The following SEL1L3 variants were observed in gnomAD, a reference collection of about 807,000 sequenced individuals.
SEL1L3 encodes protein sel-1 homolog 3.
A neutral mutation model predicts 142.8 loss-of-function variants in SEL1L3; 76 were observed. The observed-to-expected ratio is 0.53, with a 90% CI of 0.44 to 0.64. The LOEUF (loss-of-function observed/expected upper bound fraction) is 0.64, where lower values mean the gene tolerates loss of function less well. SEL1L3 is among the 30% of genes least tolerant of loss of function. SEL1L3 has a pLI of 0.00. For missense variants in SEL1L3, 1,262 were observed against 1,381.7 expected (o/e 0.91, Z 1.37); for synonymous variants, 504 against 519.6 (o/e 0.97, Z 0.41).
At chr4:25,726,944 CCT>C in the SEL1L3 span, among the ~76,000 whole-genome samples, 1 of 151,532 alleles carries the variant, frequency 6.6e-6, no homozygotes, top group African/African-American at 2.4e-5. Context: ...TCTTCTGCAG[CCT>C]CTCTCCTTGG....
At position 25,847,837 on chromosome 4, in the gene SEL1L3, T is replaced by C. The variant is rs375533433; in HGVS notation, c.190A>G (p.Thr64Ala). 5.3e-5 allele frequency: 84 copies of C among 1,583,006 alleles called. No homozygotes were observed. In the African/African-American group the frequency reaches 1.1e-3, roughly 21 times the overall value. The change falls in exon 2 of 24, where the codon ACT becomes GCT. Residue 64 changes from threonine (T) to alanine (A), a missense_variant. Physicochemically the swap from Thr to Ala is moderately conservative, Grantham distance 58. Around this residue, in one of 3 missense-constraint regions of SEL1L3, gnomAD observed 689 missense variants for 692.8 expected, o/e 0.99. Coordinates refer to ENST00000399878, the MANE Select transcript of SEL1L3 (RefSeq NM_015187.5). ...GGTATCACTGATGTCGTCAGGGAAG[T>C]CTGCCTACCCAAAGATGGTACAACA... The part of the protein sequence containing the change: ...LNVVPSLGRQ[T>A]SLTTSVIPKA...
chr4:25,730,493 G>A, the SEL1L3 span, among the ~76,000 whole-genome samples: 1 of 152,072 alleles, frequency 6.6e-6, no homozygotes. Flanking sequence ...ATCTCTCTCA[G>A]AATCCCTCCA....
At chr4:25,764,931 A>T (rs903051700) in intron 20 of SEL1L3, among the ~76,000 whole-genome samples, 1 of 152,176 alleles carries the variant, frequency 6.6e-6, no homozygotes, top group Non-Finnish European at 1.5e-5. Flanking sequence ...TGTGTAGTGT[A>T]TACACACTGA....
At chr4:25,839,375 T>C (rs1716028298) in intron 2 of SEL1L3, among the ~76,000 whole-genome samples, 2 of 152,210 alleles carry the variant, frequency 1.3e-5, no homozygotes, top group South Asian at 2.1e-4. Context: ...CTTATGAGTG[T>C]GCACAGAGAT....
chr4:25,736,808 A>C, the SEL1L3 span, among the ~76,000 whole-genome samples: 1 of 151,890 alleles, frequency 6.6e-6, no homozygotes, highest in Non-Finnish European at 1.5e-5. Context: ...TGCTTTATAC[A>C]TTTGTCATAC....
Position 25,819,722 on chromosome 4 carries a change from A to C in SEL1L3, c.1423+86T>G. 4.5e-6 allele frequency: 6 copies of C among 1,331,462 alleles called. No individual in the cohort carries two copies. The South Asian group carries it at 8.9e-5, about 20-fold the overall frequency. The allele number at this position is 1,331,462 out of a possible 1,614,324, so 82.5% of individuals were successfully genotyped here. On this transcript the variant is annotated intron_variant, in intron 8 of 23. Coordinates refer to ENST00000399878, the MANE Select transcript of SEL1L3 (RefSeq NM_015187.5). ...ATCTGAGCCAAGTCATATATGTTTA[A>C]TTTTAATCCTGTTATGGAGAAGCCA...
chr4:25,826,043 C>T (rs577683139), intron 6 of SEL1L3, among the ~76,000 whole-genome samples: 8 of 152,190 alleles, frequency 5.3e-5, no homozygotes, highest in South Asian at 2.1e-4. Context: ...GCACTCACCA[C>T]GATTTGTAAT....
At chr4:25,843,212 G>A (rs901351113) in intron 2 of SEL1L3, among the ~76,000 whole-genome samples, 4 of 151,572 alleles carry the variant, frequency 2.6e-5, no homozygotes, top group African/African-American at 7.3e-5. Flanking sequence ...GGGATCAGTG[G>A]ATTATGGGAG....
chr4:25,716,867 C>T, the SEL1L3 span, among the ~76,000 whole-genome samples: 1 of 152,162 alleles, frequency 6.6e-6, no homozygotes, highest in Non-Finnish European at 1.5e-5. Context: ...TGGCTCATGC[C>T]TGTAACCCCA....
chr4:25,829,572 G>A (rs1715311583), intron 6 of SEL1L3, among the ~76,000 whole-genome samples: 1 of 152,176 alleles, frequency 6.6e-6, no homozygotes, highest in South Asian at 2.1e-4. Flanking sequence ...AAAAAATTAT[G>A]AAACACAGGC....
At chr4:25,828,294 A>AT (rs59808145) in intron 6 of SEL1L3, among the ~76,000 whole-genome samples, 39 of 151,782 alleles carry the variant, frequency 2.6e-4, no homozygotes, top group African/African-American at 8.2e-4. Flanking sequence ...GAAAACAGGA[A>AT]TTTTTTTTTA....
intron 17 of SEL1L3, among the ~76,000 whole-genome samples, chr4:25,772,959 G>A (rs1312160179): frequency 7.2e-5 from 11 of 151,952 alleles, no homozygotes; most frequent in Admixed American, 3.3e-4. Context: ...CATCACACCC[G>A]GCTAATTTTT....
chr4:25,801,319 C>T (rs1441156487), intron 11 of SEL1L3, among the ~76,000 whole-genome samples: 2 of 152,256 alleles, frequency 1.3e-5, no homozygotes, highest in Non-Finnish European at 1.5e-5. Flanking sequence ...ATGAGAATCG[C>T]TTGAACCCAG....
At chr4:25,840,160 T>C (rs1476072107) in intron 2 of SEL1L3, among the ~76,000 whole-genome samples, 1 of 152,172 alleles carries the variant, frequency 6.6e-6, no homozygotes, top group African/African-American at 2.4e-5. Context: ...TTTCCCATGG[T>C]ACTATTATGA....
At chr4:25,741,602 A>T in the SEL1L3 span, among the ~76,000 whole-genome samples, 1 of 152,104 alleles carries the variant, frequency 6.6e-6, no homozygotes, top group East Asian at 1.9e-4. Context: ...ATTAACATAC[A>T]TTCTTTGCAC....
chr4:25,721,814 C>T, the SEL1L3 span, among the ~76,000 whole-genome samples: 1 of 152,194 alleles, frequency 6.6e-6, no homozygotes, highest in South Asian at 2.1e-4. Context: ...TGTCCCTTGA[C>T]TTTGACTTAC....
At chr4:25,837,068 T>C (rs1182333829) in intron 2 of SEL1L3, among the ~76,000 whole-genome samples, 2 of 152,064 alleles carry the variant, frequency 1.3e-5, no homozygotes, top group African/African-American at 4.8e-5. Flanking sequence ...ACAGAAGCAC[T>C]TGAAACCCTT....
At chr4:25,785,055 T>C (rs1034566111) in intron 13 of SEL1L3, among the ~76,000 whole-genome samples, 4 of 151,748 alleles carry the variant, frequency 2.6e-5, no homozygotes, top group Non-Finnish European at 5.9e-5. Context: ...GGGGTGGAGG[T>C]GACTGTAAAC....
intron 23 of SEL1L3, among the ~76,000 whole-genome samples, 170 bp downstream of exon 23, chr4:25,757,364 T>C (rs1235368757): frequency 6.9e-6 from 1 of 144,020 alleles, no homozygotes; most frequent in Non-Finnish European, 1.5e-5. Context: ...CATACACCTC[T>C]AGAAGGATTC....
Sources: gnomAD v4.1 joint callset for allele counts (sites outside exome capture counted in the v4.1 genomes callset) on GRCh38, gnomAD v4.1.1 for gene constraint, gnomAD v4.1.1 regional missense constraint, MANE v1.5 for transcripts, NCBI Gene and HGNC (gene_info 2026-07-23, HGNC 2026-07-21) for gene names.